The following SNAP29 variants were observed in gnomAD, a reference collection of about 807,000 sequenced individuals.
The protein encoded by SNAP29 is synaptosomal-associated protein 29.
SNAP29 carries 13 observed loss-of-function variants against 27.9 expected under a neutral mutation model. The ratio of observed to expected loss-of-function variants is 0.47; its 90% CI spans 0.30 to 0.74. The LOEUF (loss-of-function observed/expected upper bound fraction) is 0.74. Ranked by LOEUF, SNAP29 falls within the 30% of genes least tolerant of loss-of-function variation. The probability of loss-of-function intolerance (pLI) is 0.06; values close to 1 mark genes in which losing one functional copy is unlikely to be tolerated. For missense variants in SNAP29, 368 were observed against 336.5 expected, an observed-to-expected ratio of 1.09 and a Z score of -0.73; for synonymous variants, 119 against 127.1, an observed-to-expected ratio of 0.94 and a Z score of 0.43.
intron 2 of SNAP29, among the ~76,000 whole-genome samples, chr22:20,872,221 ATTTATTTATTTTTTAT>A (rs1928610540): frequency 6.6e-6 from 1 of 150,436 alleles, no homozygotes; most frequent in South Asian, 2.1e-4. Context: ...TCTCTCTTTT[ATTTATTTATTTTTTAT>A]TTTATTTATT....
chr22:20,865,374 A>T (rs530097523), intron 1 of SNAP29, among the ~76,000 whole-genome samples: 2 of 151,602 alleles, frequency 1.3e-5, no homozygotes, highest in Admixed American at 6.6e-5. Flanking sequence ...AAAGAATTAG[A>T]CCATTGATCC....
intron 1 of SNAP29, among the ~76,000 whole-genome samples, chr22:20,863,311 G>A (rs1928376080): frequency 8.7e-6 from 1 of 114,322 alleles, no homozygotes; most frequent in African/African-American, 3.7e-5. Context: ...ACCCAACTTA[G>A]GTGCCTGGTT....
At chr22:20,865,924 G>T (rs1928447834) in intron 1 of SNAP29, among the ~76,000 whole-genome samples, 1 of 152,176 alleles carries the variant, frequency 6.6e-6, no homozygotes, top group African/African-American at 2.4e-5. Flanking sequence ...CATAGGCATG[G>T]CTGAGTATAG....
chr22:20,861,274 A>G (rs1601643384), intron 1 of SNAP29, among the ~76,000 whole-genome samples: 1 of 150,094 alleles, frequency 6.7e-6, no homozygotes, highest in East Asian at 2.0e-4. Context: ...GCACTACCAC[A>G]CCCAGCTAAT....
intron 4 of SNAP29, among the ~76,000 whole-genome samples, chr22:20,885,970 CCTCT>C (rs1929004391): frequency 2.0e-5 from 3 of 152,176 alleles, no homozygotes; most frequent in Non-Finnish European, 4.4e-5. Flanking sequence ...TTTATCTCAG[CCTCT>C]CTGTTTGCTT....
At chr22:20,873,814 A>G (rs1988795718) in intron 2 of SNAP29, among the ~76,000 whole-genome samples, 1 of 150,854 alleles carries the variant, frequency 6.6e-6, no homozygotes. Flanking sequence ...CTAAAAATAC[A>G]AAAATCAGCC....
intron 1 of SNAP29, among the ~76,000 whole-genome samples, chr22:20,869,853 C>T (rs1205374314): frequency 3.9e-5 from 6 of 152,074 alleles, no homozygotes; most frequent in Admixed American, 3.9e-4. Context: ...TCACTGCAAC[C>T]TCTGCCTTCA....
At position 20,859,097 on chromosome 22, in the gene SNAP29, G is replaced by A. The variant is rs753764201; in HGVS notation, c.-14G>A. The A allele has an allele frequency of 3.1e-6, 5 of 1,588,132 alleles. No homozygotes were observed. In the African/African-American group the frequency reaches 6.7e-5, roughly 21 times the overall value. ...CCTCCTTCTGTTTCCCAGACCGAGA[G>A]CCGCGCCGGCACCATGTCAGCTTAC... On this transcript the variant is annotated 5_prime_UTR_variant, in exon 1 of 5. Transcript: ENST00000215730.
At chr22:20,883,016 T>C (rs1345096595) in intron 3 of SNAP29, among the ~76,000 whole-genome samples, 1 of 151,416 alleles carries the variant, frequency 6.6e-6, no homozygotes, top group Non-Finnish European at 1.5e-5. Flanking sequence ...TTTTTTTGCG[T>C]ATTTGTTTCA....
rs952200908 is a variant in SNAP29, at chr22:20,876,679, T to C, written c.435-4370T>C. 2.0e-5 allele frequency among the ~76,000 whole-genome samples: 3 copies of C among 151,352 alleles called. No homozygotes were observed. The Admixed American group carries it at 2.0e-4, about 10-fold the overall frequency. On this transcript the variant is annotated intron_variant, in intron 2 of 4. Transcript: ENST00000215730. Reference sequence around the variant, plus strand: ...GTCTCCCACGTTCACGCCATTCTCCTGCCTCAGCTTCCCAAGCAGCTGGGA... The same window carrying C: ...GTCTCCCACGTTCACGCCATTCTCCCGCCTCAGCTTCCCAAGCAGCTGGGA...
chr22:20,871,499 A>C (rs1040214412), intron 2 of SNAP29, among the ~76,000 whole-genome samples: 1 of 151,510 alleles, frequency 6.6e-6, no homozygotes, highest in African/African-American at 2.4e-5. Flanking sequence ...AAAAAAAAAA[A>C]AAAAAAGATT....
chr22:20,880,832 T>A (rs1928873900), intron 2 of SNAP29, among the ~76,000 whole-genome samples: 1 of 152,176 alleles, frequency 6.6e-6, no homozygotes, highest in Admixed American at 6.5e-5. Context: ...CTGGCTTAGC[T>A]GCCACACTTC....
intron 1 of SNAP29, among the ~76,000 whole-genome samples, chr22:20,864,728 C>A (rs1359058318): frequency 2.0e-5 from 3 of 152,228 alleles, no homozygotes; most frequent in Non-Finnish European, 4.4e-5. Context: ...TTTCTACCCC[C>A]ACGCTTCTCA....
intron 2 of SNAP29, among the ~76,000 whole-genome samples, chr22:20,878,704 G>T (rs988540297): frequency 6.6e-6 from 1 of 152,322 alleles, no homozygotes; most frequent in East Asian, 1.9e-4. Flanking sequence ...GGCAAAAATT[G>T]CGAGTAACCC....
intron 1 of SNAP29, among the ~76,000 whole-genome samples, chr22:20,861,005 C>A (rs1430995260): frequency 1.3e-5 from 2 of 152,086 alleles, no homozygotes; most frequent in Non-Finnish European, 2.9e-5. Context: ...CCACTGCACT[C>A]CAGCTTGGGC....
chr22:20,882,527 G>C (rs527721478), intron 3 of SNAP29, among the ~76,000 whole-genome samples: 13 of 152,288 alleles, frequency 8.5e-5, no homozygotes, highest in African/African-American at 3.1e-4. Flanking sequence ...GGTTGTGGTT[G>C]ATGCAGCTGA....
intron 1 of SNAP29, among the ~76,000 whole-genome samples, chr22:20,864,333 A>G (rs773699527): frequency 3.3e-5 from 5 of 152,180 alleles, no homozygotes; most frequent in Non-Finnish European, 5.9e-5. Flanking sequence ...CGTCTCGTGC[A>G]GGGGCCCACC....
rs547684486 is a variant in SNAP29 at position 20,866,932 on chromosome 22, C to T, written c.238-3405C>T. ...CTGTGTGTGTATGTGTTTGTGTGCA[C>T]GCGTGCAGTAGCTTTAGTTTCTGCC... On this transcript the variant is annotated intron_variant, in intron 1 of 4. Transcript: ENST00000215730. 3.9e-5 allele frequency among the ~76,000 whole-genome samples: 6 copies of T among 152,182 alleles called. No individual in the cohort carries two copies. The South Asian group carries it at 8.3e-4, about 21-fold the overall frequency.
intron 2 of SNAP29, among the ~76,000 whole-genome samples, chr22:20,878,865 T>C (rs933873708): frequency 6.6e-6 from 1 of 152,154 alleles, no homozygotes; most frequent in African/African-American, 2.4e-5. Flanking sequence ...TCAGGCATAG[T>C]CTAAATGACT....
Sources: gnomAD v4.1 joint callset for allele counts (sites outside exome capture counted in the v4.1 genomes callset) on GRCh38, gnomAD v4.1.1 for gene constraint, MANE v1.5 for transcripts, NCBI Gene and HGNC (gene_info 2026-07-23, HGNC 2026-07-21) for gene names.